HGD: variants seen among roughly 807,000 people sequenced by gnomAD.
HGD encodes homogentisate oxidase.
In HGD, 61 loss-of-function variants were observed where a neutral mutation model predicts 60.8. The ratio of observed to expected loss-of-function variants is 1.00; its 90% CI spans 0.82 to 1.24. The LOEUF (loss-of-function observed/expected upper bound fraction) is 1.24, where lower values mean the gene tolerates loss of function less well. Ranked by LOEUF, HGD falls within the 50% of genes most tolerant of loss-of-function variation. The pLI, the probability that HGD is intolerant of heterozygous loss-of-function variation, is 0.00. For synonymous variants in HGD, 212 were observed against 187.7 expected, an observed-to-expected ratio of 1.13 and a Z score of -1.06; for missense variants, 542 against 547.1, an observed-to-expected ratio of 0.99 and a Z score of 0.09.
intron 10 of HGD, among the ~76,000 whole-genome samples, chr3:120,643,570 C>T (rs897332969): frequency 2.0e-5 from 3 of 152,168 alleles, no homozygotes; most frequent in Non-Finnish European, 4.4e-5. Flanking sequence ...TTGGCCTCGG[C>T]TGGTTGGCAT....
At chr3:120,631,351 A>T (rs1940586114) in intron 13 of HGD, among the ~76,000 whole-genome samples, 2 of 152,194 alleles carry the variant, frequency 1.3e-5, no homozygotes, top group Non-Finnish European at 2.9e-5. Flanking sequence ...TAACTGAAAG[A>T]ATATAATTGG....
At chr3:120,641,911 C>T in intron 10 of HGD, 2 of 562,404 alleles carry the variant, frequency 3.6e-6, no homozygotes, top group South Asian at 3.9e-5. Flanking sequence ...GGTTCATAAG[C>T]TGCAGCTGCC....
chr3:120,658,804 C>T (rs1359062471), intron 4 of HGD, among the ~76,000 whole-genome samples: 1 of 152,230 alleles, frequency 6.6e-6, no homozygotes, highest in Non-Finnish European at 1.5e-5. Context: ...GGCCTTAACT[C>T]TTGTATCCTG....
intron 12 of HGD, among the ~76,000 whole-genome samples, chr3:120,636,831 G>A (rs1940797778): frequency 6.6e-6 from 1 of 152,126 alleles, no homozygotes; most frequent in African/African-American, 2.4e-5. Flanking sequence ...GTGCACTGTT[G>A]TGTTCTGTTG....
chr3:120,661,058 G>A (rs889449918), intron 4 of HGD, among the ~76,000 whole-genome samples: 8 of 152,086 alleles, frequency 5.3e-5, no homozygotes, highest in African/African-American at 1.9e-4. Flanking sequence ...CTCTATTTTA[G>A]AAGTGAAAAA....
chr3:120,658,403 T>C (rs1338275192), intron 4 of HGD, among the ~76,000 whole-genome samples: 1 of 152,092 alleles, frequency 6.6e-6, no homozygotes. Context: ...TCCAAAAAAA[T>C]CTCCTTTGAC....
chr3:120,668,798 G>A (rs1349332287), intron 4 of HGD, among the ~76,000 whole-genome samples: 2 of 152,102 alleles, frequency 1.3e-5, no homozygotes, highest in African/African-American at 4.8e-5. Context: ...TTAAGACACA[G>A]CTAGTAAGTA....
intron 4 of HGD, among the ~76,000 whole-genome samples, chr3:120,663,136 C>G (rs2733790): frequency 6.6e-6 from 1 of 151,826 alleles, no homozygotes; most frequent in African/African-American, 2.4e-5. Flanking sequence ...TATGATAGCT[C>G]TAGCAGAACA....
chr3:120,641,008 A>C (rs1167302038), intron 11 of HGD, among the ~76,000 whole-genome samples: 2 of 152,172 alleles, frequency 1.3e-5, no homozygotes, highest in Non-Finnish European at 2.9e-5. Context: ...TGCACTGTAG[A>C]CCAGAGACCA....
At chr3:120,669,117 CTG>C (rs1346768191) in intron 4 of HGD, among the ~76,000 whole-genome samples, 2 of 152,140 alleles carry the variant, frequency 1.3e-5, no homozygotes, top group African/African-American at 4.8e-5. Flanking sequence ...TCTGAAGAGA[CTG>C]TGATAGTGAT....
At chr3:120,655,478 C>T (rs1293708755) in intron 4 of HGD, among the ~76,000 whole-genome samples, 1 of 152,150 alleles carries the variant, frequency 6.6e-6, no homozygotes, top group Non-Finnish European at 1.5e-5. Flanking sequence ...GAAGATTATA[C>T]AGAATCTATA....
At chr3:120,650,734 A>T in intron 6 of HGD, 40 bp downstream of exon 6, 1 of 1,471,692 alleles carries the variant, frequency 6.8e-7, no homozygotes, top group Non-Finnish European at 9.5e-7. Flanking sequence ...AAAATCCCTT[A>T]GAAGATGGGC....
intron 1 of HGD, among the ~76,000 whole-genome samples, chr3:120,678,693 G>T (rs1284613211): frequency 3.9e-5 from 6 of 152,208 alleles, no homozygotes; most frequent in Non-Finnish European, 5.9e-5. Flanking sequence ...GCAGGGCATT[G>T]GCTAAAGAGG....
At chr3:120,664,472 G>A (rs2107539273) in intron 4 of HGD, among the ~76,000 whole-genome samples, 1 of 131,386 alleles carries the variant, frequency 7.6e-6, no homozygotes, top group African/African-American at 2.8e-5. Flanking sequence ...CTGTTGCCCA[G>A]GCTGGAGTGC....
At chr3:120,654,519 C>T (rs912995208) in intron 4 of HGD, among the ~76,000 whole-genome samples, 2 of 152,204 alleles carry the variant, frequency 1.3e-5, no homozygotes, top group African/African-American at 2.4e-5. Context: ...ACCAACCAAC[C>T]CACCAACTGA....
intron 3 of HGD, among the ~76,000 whole-genome samples, chr3:120,673,649 T>C (rs762695653): frequency 2.0e-5 from 3 of 152,204 alleles, no homozygotes; most frequent in Non-Finnish European, 4.4e-5. Context: ...CATTGTAACA[T>C]AGCACTTGCC....
At chr3:120,670,068 G>C (rs989726190) in intron 4 of HGD, among the ~76,000 whole-genome samples, 1 of 152,116 alleles carries the variant, frequency 6.6e-6, no homozygotes, top group Non-Finnish European at 1.5e-5. Context: ...TTTATAAGGG[G>C]ATTTTCCCCC....
intron 4 of HGD, among the ~76,000 whole-genome samples, chr3:120,668,931 G>T (rs1181692465): frequency 1.3e-5 from 2 of 152,136 alleles, no homozygotes; most frequent in Non-Finnish European, 2.9e-5. Context: ...GTTAAAAAAA[G>T]AGCTCAGTCG....
intron 1 of HGD, 114 bp from the exon 2 acceptor site, chr3:120,675,977 G>A (rs954904678): frequency 6.4e-6 from 5 of 780,522 alleles, no homozygotes; most frequent in African/African-American, 3.4e-5. Context: ...TGTGTATGAT[G>A]TTCCACATAT....
Sources: allele counts gnomAD v4.1 joint callset (sites outside exome capture counted in the v4.1 genomes callset), GRCh38; gene constraint gnomAD v4.1.1; transcripts MANE v1.5; gene names NCBI Gene and HGNC (gene_info 2026-07-23, HGNC 2026-07-21).